Variants in CLSTN1 observed in about 807,000 individuals in gnomAD.
The protein encoded by CLSTN1 is calsyntenin 1, also known as calsyntenin-1.
Under a neutral mutation model 108.3 loss-of-function variants are expected in CLSTN1, and 28 were observed. The ratio of observed to expected loss-of-function variants is 0.26; its 90% CI spans 0.19 to 0.35. The LOEUF is 0.35. Ranked by LOEUF, CLSTN1 falls within the 10% of genes least tolerant of loss-of-function variation. The pLI, the probability that CLSTN1 is intolerant of heterozygous loss-of-function variation, is 1.00. For synonymous variants in CLSTN1, 524 were observed against 534.9 expected (o/e 0.98, Z 0.28); for missense variants, 1,157 against 1,302.6 (o/e 0.89, Z 1.72).
At chr1:9,758,212 C>T (rs1212723415) in intron 2 of CLSTN1, among the ~76,000 whole-genome samples, 7 of 151,934 alleles carry the variant, frequency 4.6e-5, no homozygotes, top group African/African-American at 7.3e-5. Context: ...AGGCTGGTCT[C>T]GAACTCCTGG....
At position 9,730,989 on chromosome 1, in the gene CLSTN1, G is replaced by GC; in HGVS notation, c.2748+216dup. 1 of 641,744 alleles carries GC rather than the reference G, an allele frequency of 1.6e-6. No individual in the cohort carries two copies. The highest frequency in any genetic ancestry group is 2.7e-5 in the East Asian group (1 of 36,520). 39.8% of individuals were successfully genotyped at this position (641,744 alleles called of 1,614,324 possible). A position where few individuals can be genotyped will look rare whatever the true frequency, so the allele number is the denominator to read the frequency against. On this transcript the variant is annotated intron_variant, in intron 18 of 18. Transcript: ENST00000377298. This position sits in a 1 kb window ranked among gnomAD's most constrained non-coding sequence, Gnocchi z 5.6. ...GATTACCATGACCCAAGAGCGCCAA[G>GC]CCCTGGCATGGCTCTTCTCTACACT...
intron 1 of CLSTN1, among the ~76,000 whole-genome samples, chr1:9,774,918 C>T (rs75685304): frequency 6.6e-6 from 1 of 152,224 alleles, no homozygotes; most frequent in African/African-American, 2.4e-5. Flanking sequence ...GGGAAATTCC[C>T]GGAAACTGAG....
At chr1:9,739,476 G>A (rs538410470) in intron 10 of CLSTN1, among the ~76,000 whole-genome samples, 19 of 152,112 alleles carry the variant, frequency 1.2e-4, no homozygotes, top group Non-Finnish European at 2.5e-4. Context: ...TATTTATTTT[G>A]TAGATTAATA....
At chr1:9,759,737 C>CT (rs572102315) in intron 2 of CLSTN1, among the ~76,000 whole-genome samples, 13 of 152,210 alleles carry the variant, frequency 8.5e-5, no homozygotes, top group Non-Finnish European at 1.8e-4. Context: ...AAAATAGTCC[C>CT]TATCTAGTTC....
chr1:9,818,777 CTTTTTTTT>C (rs1156483241), intron 1 of CLSTN1, among the ~76,000 whole-genome samples: 16 of 98,082 alleles, frequency 1.6e-4, no homozygotes, highest in Admixed American at 4.1e-4. Context: ...TCAAGCAACT[CTTTTTTTT>C]TTTTTTTTTT....
intron 4 of CLSTN1, among the ~76,000 whole-genome samples, chr1:9,753,290 C>T (rs770548079): frequency 8.5e-5 from 13 of 152,134 alleles, no homozygotes; most frequent in Non-Finnish European, 1.9e-4. Context: ...CGCTCACATG[C>T]TGTTGACCTC....
chr1:9,775,473 CCT>C (rs138536888), intron 1 of CLSTN1, among the ~76,000 whole-genome samples: 2,498 of 151,990 alleles, frequency 0.016, 32 homozygotes, highest in East Asian at 0.042. Flanking sequence ...TCATTTAGCC[CCT>C]GTCTGCTTTG....
chr1:9,793,987 C>T (rs1653880132), intron 1 of CLSTN1, among the ~76,000 whole-genome samples: 1 of 151,452 alleles, frequency 6.6e-6, no homozygotes, highest in Non-Finnish European at 1.5e-5. Context: ...TTAGAACTCT[C>T]CCGCTCCAAC....
chr1:9,790,350 T>C (rs537108340), intron 1 of CLSTN1, among the ~76,000 whole-genome samples: 2 of 151,626 alleles, frequency 1.3e-5, no homozygotes, highest in South Asian at 2.2e-4. Context: ...CATGAATGAA[T>C]GAATAGCATC....
At chr1:9,765,984 G>A (rs1385309811) in intron 2 of CLSTN1, among the ~76,000 whole-genome samples, 1 of 152,154 alleles carries the variant, frequency 6.6e-6, no homozygotes, top group African/African-American at 2.4e-5. Context: ...AAATGCAGCA[G>A]TTAACCCCAC....
At chr1:9,803,657 G>C (rs1442645229) in intron 1 of CLSTN1, among the ~76,000 whole-genome samples, 7 of 151,940 alleles carry the variant, frequency 4.6e-5, no homozygotes, top group African/African-American at 1.7e-4. Flanking sequence ...ACAAAAATTA[G>C]CTGGGTGTGG....
At chr1:9,796,550 G>A (rs1049861739) in intron 1 of CLSTN1, among the ~76,000 whole-genome samples, 16 of 151,060 alleles carry the variant, frequency 1.1e-4, no homozygotes, top group Non-Finnish European at 2.1e-4. Context: ...CGGACGTGGT[G>A]GCAGGCGCCT....
chr1:9,730,199 A>T lies in CLSTN1; in HGVS notation c.*309T>A, dbSNP rs2101067208. 1 of 456,660 alleles carries T rather than the reference A, an allele frequency of 2.2e-6. No homozygotes were observed. The highest frequency in any genetic ancestry group is 3.7e-5 in the East Asian group (1 of 27,362). The allele number at this position is 456,660 out of a possible 1,614,324, so 28.3% of individuals were successfully genotyped here. A position where few individuals can be genotyped will look rare whatever the true frequency, so the allele number is the denominator to read the frequency against. ...TGGCTTTTCTGGAGTGCGAGGGGCC[A>T]GTGTCCTCTCCCCGGGGGGAGACTC... is the stretch of plus-strand genomic sequence containing the variant. On this transcript the variant is annotated 3_prime_UTR_variant, in exon 19 of 19. Transcript: ENST00000377298. This position sits in a 1 kb window ranked among gnomAD's most constrained non-coding sequence, Gnocchi z 5.6.
At chr1:9,784,445 C>G (rs1370889525) in intron 1 of CLSTN1, among the ~76,000 whole-genome samples, 1 of 152,114 alleles carries the variant, frequency 6.6e-6, no homozygotes, top group Non-Finnish European at 1.5e-5. Context: ...GAGTTACAGG[C>G]TGCCGTGAGC....
intron 1 of CLSTN1, among the ~76,000 whole-genome samples, chr1:9,803,667 G>A (rs1335499636): frequency 1.3e-5 from 2 of 152,020 alleles, no homozygotes; most frequent in African/African-American, 4.8e-5. Flanking sequence ...GCTGGGTGTG[G>A]TGGTATATGC....
intron 1 of CLSTN1, among the ~76,000 whole-genome samples, chr1:9,796,810 T>C (rs1045072265): frequency 6.6e-6 from 1 of 152,192 alleles, no homozygotes; most frequent in South Asian, 2.1e-4. Context: ...AAAGGCATCA[T>C]ACTTGGTTGG....
At chr1:9,819,419 T>C (rs1189807965) in intron 1 of CLSTN1, among the ~76,000 whole-genome samples, 1 of 152,236 alleles carries the variant, frequency 6.6e-6, no homozygotes, top group African/African-American at 2.4e-5. Context: ...GTTACGAAAT[T>C]ACAGCATTTT....
At chr1:9,765,554 C>G (rs1295961679) in intron 2 of CLSTN1, among the ~76,000 whole-genome samples, 1 of 150,978 alleles carries the variant, frequency 6.6e-6, no homozygotes, top group Non-Finnish European at 1.5e-5. Flanking sequence ...CACTTGAACC[C>G]GGGAAACGGA....
rs1470113845 is a variant in CLSTN1 at position 9,749,846 on chromosome 1, G to A, written c.717C>T (p.Ala239=). The change falls in exon 6 of 19, where the codon GCC becomes GCT. Residue 239 remains alanine, a synonymous_variant. Transcript: ENST00000377298. ...KEHQYKLTVT[A]YDCGKKRATE... ...TGGCTCTTTTCTTCCCACAGTCATAGGCAGTGACGGTCAGCTTATATTGAT... is the reference window on the plus strand; with the variant it reads ...TGGCTCTTTTCTTCCCACAGTCATAAGCAGTGACGGTCAGCTTATATTGAT... 1 of 1,613,976 alleles carries A rather than the reference G, an allele frequency of 6.2e-7. No individual in the cohort carries two copies. The highest frequency in any genetic ancestry group is 2.2e-5 in the East Asian group (1 of 44,878).
Sources: allele counts gnomAD v4.1 joint callset (sites outside exome capture counted in the v4.1 genomes callset), GRCh38; gene constraint gnomAD v4.1.1; non-coding constraint Gnocchi (gnomAD v3.1); transcripts MANE v1.5; gene names NCBI Gene and HGNC (gene_info 2026-07-23, HGNC 2026-07-21).